TMEM196: variants seen among roughly 807,000 people sequenced by gnomAD.
The protein encoded by TMEM196 is transmembrane protein 196.
A neutral mutation model predicts 20.0 loss-of-function variants in TMEM196; 17 were observed. The observed-to-expected ratio is 0.85, with a 90% confidence interval of 0.58 to 1.27. The LOEUF (loss-of-function observed/expected upper bound fraction) is 1.27. TMEM196 is among the 50% of genes most tolerant of loss of function. TMEM196 has a pLI of 0.00. For missense variants in TMEM196, 267 were observed against 223.0 expected (o/e 1.20, Z -1.26); for synonymous variants, 113 against 88.9 (o/e 1.27, Z -1.52).
intron 1 of TMEM196, among the ~76,000 whole-genome samples, chr7:19,748,060 G>A (rs767061641): frequency 2.6e-5 from 4 of 151,894 alleles, no homozygotes; most frequent in Non-Finnish European, 5.9e-5. Context: ...TGTAATACAT[G>A]TATTTCCACT....
intron 2 of TMEM196, among the ~76,000 whole-genome samples, chr7:19,726,808 A>T (rs974790507): frequency 6.6e-6 from 1 of 152,162 alleles, no homozygotes; most frequent in African/African-American, 2.4e-5. Flanking sequence ...CTTTCATGAT[A>T]CTTTGTACTA....
chr7:19,742,999 C>G (rs1784629695), intron 1 of TMEM196, among the ~76,000 whole-genome samples: 1 of 152,090 alleles, frequency 6.6e-6, no homozygotes, highest in African/African-American at 2.4e-5. Context: ...GTGTCTTGTT[C>G]ATACTTATCT....
chr7:19,756,884 G>T (rs79016864), intron 1 of TMEM196, among the ~76,000 whole-genome samples: 4,139 of 151,888 alleles, frequency 0.027, 87 homozygotes, highest in South Asian at 0.066. Flanking sequence ...TCTTTGTTAT[G>T]GTGAATAGTG....
intron 1 of TMEM196, among the ~76,000 whole-genome samples, chr7:19,758,960 A>C (rs1327746461): frequency 6.6e-5 from 10 of 152,142 alleles, no homozygotes; most frequent in Admixed American, 6.5e-4. Context: ...CTCTAAATCC[A>C]ATTACCCTTC....
chr7:19,738,458 C>A (rs1025106181), intron 1 of TMEM196, among the ~76,000 whole-genome samples: 1 of 151,958 alleles, frequency 6.6e-6, no homozygotes, highest in South Asian at 2.1e-4. Flanking sequence ...ACTGACAAGT[C>A]GCAGGAGGAG....
At chr7:19,751,080 G>A (rs758157977) in intron 1 of TMEM196, among the ~76,000 whole-genome samples, 2 of 152,160 alleles carry the variant, frequency 1.3e-5, no homozygotes, top group African/African-American at 2.4e-5. Flanking sequence ...AGAAGAAATA[G>A]GAAGATGCAG....
intron 4 of TMEM196, among the ~76,000 whole-genome samples, chr7:19,723,804 C>T (rs10435066): frequency 0.2 from 30,943 of 152,042 alleles, 3,643 homozygotes; most frequent in East Asian, 0.59. Context: ...ATTTAAAATG[C>T]ATCACATAAG....
Position 19,725,775 on chromosome 7 carries a change from AG to A in TMEM196, c.205-8del. On this transcript the variant is annotated splice_region_variant and splice_polypyrimidine_tract_variant and intron_variant, in intron 2 of 4. Coordinates refer to ENST00000405844, the MANE Select transcript of TMEM196 (RefSeq NM_001363562.2). ...AGGCTGAAAAGAGGATCATCTGATA[AG>A]AAAAAGAAAGGCAGCGTTAAAGTTG... is the stretch of plus-strand genomic sequence containing the variant. The A allele has an allele frequency of 2.5e-6, 4 of 1,582,000 alleles. No individual in the cohort carries two copies. The highest frequency in any genetic ancestry group is 3.5e-6 in the Non-Finnish European group (4 of 1,159,354).
intron 1 of TMEM196, among the ~76,000 whole-genome samples, chr7:19,764,382 T>A (rs1204067280): frequency 6.6e-6 from 1 of 152,210 alleles, no homozygotes; most frequent in Non-Finnish European, 1.5e-5. Context: ...ACTGGTACCA[T>A]CTTTTTTAGT....
chr7:19,725,975 G>A (rs1353926387), intron 2 of TMEM196, among the ~76,000 whole-genome samples: 1 of 152,076 alleles, frequency 6.6e-6, no homozygotes, highest in Non-Finnish European at 1.5e-5. Flanking sequence ...TAGACAGAGG[G>A]AGTATACCAC....
At chr7:19,734,519 G>A (rs1462286617) in intron 1 of TMEM196, among the ~76,000 whole-genome samples, 1 of 152,184 alleles carries the variant, frequency 6.6e-6, no homozygotes, top group Non-Finnish European at 1.5e-5. Flanking sequence ...AATCACAAGG[G>A]TCATTTAAGA....
intron 1 of TMEM196, among the ~76,000 whole-genome samples, chr7:19,736,353 C>CCA (rs1784400863): frequency 1.8e-4 from 7 of 38,002 alleles, no homozygotes; most frequent in African/African-American, 3.2e-4. Flanking sequence ...GTGGTTCCTA[C>CCA]TATATATATA....
chr7:19,769,449 A>C (rs1785772032), intron 1 of TMEM196, among the ~76,000 whole-genome samples: 1 of 152,054 alleles, frequency 6.6e-6, no homozygotes, highest in East Asian at 1.9e-4. Context: ...AAGCCCCAGA[A>C]AAATGGAAGA....
At chr7:19,723,936 T>C (rs1354054431) in intron 4 of TMEM196, among the ~76,000 whole-genome samples, 2 of 151,884 alleles carry the variant, frequency 1.3e-5, no homozygotes, top group African/African-American at 4.9e-5. Context: ...TCCAGACATA[T>C]CTATTATTAA....
At chr7:19,735,179 G>C (rs1330139099) in intron 1 of TMEM196, among the ~76,000 whole-genome samples, 1 of 151,752 alleles carries the variant, frequency 6.6e-6, no homozygotes, top group Non-Finnish European at 1.5e-5. Flanking sequence ...TTATAGATCA[G>C]AAAACTAAAA....
chr7:19,730,529 G>A (rs1784167095), intron 1 of TMEM196, among the ~76,000 whole-genome samples: 1 of 152,100 alleles, frequency 6.6e-6, no homozygotes, highest in South Asian at 2.1e-4. Context: ...TCCACTAAAG[G>A]ACTTCAGATT....
At chr7:19,727,866 A>G (rs1051437051) in intron 2 of TMEM196, among the ~76,000 whole-genome samples, 2 of 152,074 alleles carry the variant, frequency 1.3e-5, no homozygotes, top group Non-Finnish European at 2.9e-5. Flanking sequence ...ACCATATACT[A>G]TTTTCAAATT....
At position 19,772,773 on chromosome 7, in the gene TMEM196, A is replaced by T; in HGVS notation, c.-77T>A. 4.7e-6 allele frequency: 6 copies of T among 1,283,156 alleles called. No individual in the cohort carries two copies. The highest frequency in any genetic ancestry group is 4.4e-5 in the South Asian group (2 of 45,478). 79.5% of individuals were successfully genotyped at this position (1,283,156 alleles called of 1,614,324 possible). On this transcript the variant is annotated 5_prime_UTR_variant, in exon 1 of 5. Transcript: ENST00000405844. ...CTTTTTTTCTTCCACTATCCTCCTT[A>T]CCCCTTCCACCCCCTACCAGATCCC...
At position 19,720,085 on chromosome 7, in the gene TMEM196, C is replaced by G. The variant is rs551397857; in HGVS notation, c.*2043G>C. 1 of 152,036 alleles carries G rather than the reference C, an allele frequency of 6.6e-6. No homozygotes were observed. The highest frequency in any genetic ancestry group is 1.5e-5 in the Non-Finnish European group (1 of 67,936). 9.4% of individuals were successfully genotyped at this position (152,036 alleles called of 1,614,324 possible). On this transcript the variant is annotated 3_prime_UTR_variant, in exon 5 of 5. Transcript: ENST00000405844. ...AGGAGGACCATACACACACAAATAT[C>G]TTCATGATGTAATTTAGATTTTCAT... is the stretch of plus-strand genomic sequence containing the variant.
Sources: gnomAD v4.1 joint callset for allele counts (sites outside exome capture counted in the v4.1 genomes callset) on GRCh38, gnomAD v4.1.1 for gene constraint, MANE v1.5 for transcripts, NCBI Gene and HGNC (gene_info 2026-07-23, HGNC 2026-07-21) for gene names.